The following HIPK1 variants were observed in gnomAD, a reference collection of about 807,000 sequenced individuals.
The protein encoded by HIPK1 is homeodomain interacting protein kinase 1.
In HIPK1, 28 loss-of-function variants were observed where a neutral mutation model predicts 117.1. The observed-to-expected ratio is 0.24, with a 90% CI of 0.18 to 0.33. HIPK1 has a LOEUF of 0.33. Ranked by LOEUF, HIPK1 falls within the 10% of genes least tolerant of loss-of-function variation. The pLI is 1.00. For synonymous variants in HIPK1, 605 were observed against 562.5 expected (o/e 1.08, Z -1.07); for missense variants, 1,122 against 1,475.1 (o/e 0.76, Z 3.92).
At position 113,929,451 on chromosome 1, in the gene HIPK1, C is replaced by A. The variant is rs148701256; in HGVS notation, c.-84C>A. The A allele has an allele frequency of 7.8e-7, 1 of 1,289,390 alleles. No individual in the cohort carries two copies. Among genetic ancestry groups the A allele is most frequent in the Non-Finnish European group, 1.0e-6 (1 of 988,864 alleles). The allele number at this position is 1,289,390 out of a possible 1,614,324, so 79.9% of individuals were successfully genotyped here. ...ACGCTGGCTCCCTACGGAGGCCCAC[C>A]TACTCGAGGCCCACCGACTCCTACT... is the stretch of plus-strand genomic sequence containing the variant. On this transcript the variant is annotated 5_prime_UTR_variant, in exon 1 of 16. Transcript: ENST00000426820.
intron 2 of HIPK1, among the ~76,000 whole-genome samples, chr1:113,948,134 T>A (rs1424628864): frequency 2.0e-5 from 3 of 152,220 alleles, no homozygotes; most frequent in African/African-American, 7.2e-5. Context: ...GAGATAAACC[T>A]GCTCTAGTGA....
At position 113,969,817 on chromosome 1, in the gene HIPK1, G is replaced by A. The variant is rs899657744; in HGVS notation, c.2772-139G>A. 5.8e-6 allele frequency: 5 copies of A among 856,772 alleles called. No homozygotes were observed. The Admixed American group carries it at 5.8e-5, about 10-fold the overall frequency. 53.1% of individuals were successfully genotyped at this position (856,772 alleles called of 1,614,324 possible). ...AGCTACTCGGGAGGCTAAGATGGGA[G>A]GATAGCTTGAGCCCAGGAGGTTGAG... On this transcript the variant is annotated intron_variant, in intron 13 of 15. Transcript: ENST00000426820.
intron 2 of HIPK1, among the ~76,000 whole-genome samples, chr1:113,944,874 G>A (rs1670887562): frequency 6.6e-6 from 1 of 152,014 alleles, no homozygotes. Flanking sequence ...TTGAGACAGA[G>A]TCCCACTTTG....
At position 113,940,484 on chromosome 1, in the gene HIPK1, CAGG is replaced by C; in HGVS notation, c.103_105del (p.Gly35del). 1 of 1,614,158 alleles carries C rather than the reference CAGG, an allele frequency of 6.2e-7. No homozygotes were observed. Among genetic ancestry groups the C allele is most frequent in the African/African-American group, 1.3e-5 (1 of 75,034 alleles). ...ATAGAGCCCTCTGGCTGGGATGTTT[CAGG>C]ACAGAGTAGCAACGACAAATATTAT... is the stretch of plus-strand genomic sequence containing the variant. On this transcript the variant is annotated inframe_deletion, in exon 2 of 16. Transcript: ENST00000426820.
chr1:113,966,046 T>C (rs78723219), intron 10 of HIPK1, 84 bp from the exon 11 acceptor site: 24 of 1,376,130 alleles, frequency 1.7e-5, no homozygotes, highest in South Asian at 2.7e-5. Context: ...TTTTAAGATA[T>C]GAATTTTTCT....
In HIPK1 at chr1:113,940,624, G is replaced by A. The variant is rs370658212; in HGVS notation, c.241G>A (p.Val81Met). ...DQGLLLPAPA[V>M]EHIVVTAADS... The stretch of plus-strand genomic sequence containing the variant: ...GGGCCTCCTCCTCCCAGCTCCTGCA[G>A]TGGAGCATATTGTTGTAACAGCCGC... Residue 81 changes from valine to methionine, a missense_variant, in exon 2 of 16, where the codon GTG becomes ATG. By Grantham distance (21) the Val-to-Met change is conservative. Around this residue, in one of 6 missense-constraint regions of HIPK1, gnomAD observed 192 missense variants for 234.0 expected, o/e 0.82. Coordinates refer to ENST00000426820, the MANE Select transcript of HIPK1 (RefSeq NM_198268.3). 1.8e-5 allele frequency: 29 copies of A among 1,614,214 alleles called. 1 individual carries two copies. The highest frequency in any genetic ancestry group is 2.4e-5 in the Non-Finnish European group (28 of 1,180,046).
chr1:113,961,800 C>T (rs768127814), intron 8 of HIPK1, among the ~76,000 whole-genome samples: 7 of 151,680 alleles, frequency 4.6e-5, no homozygotes, highest in Admixed American at 6.6e-5. Flanking sequence ...AAAAATTAGA[C>T]GGGCGTGGTG....
chr1:113,937,296 A>G (rs1273757129), intron 1 of HIPK1, among the ~76,000 whole-genome samples: 1 of 152,212 alleles, frequency 6.6e-6, no homozygotes, highest in Admixed American at 6.5e-5. Context: ...TTCAGGCACA[A>G]AGAAATGTAC....
At chr1:113,961,411 T>C (rs542537576) in intron 8 of HIPK1, among the ~76,000 whole-genome samples, 27 of 152,312 alleles carry the variant, frequency 1.8e-4, no homozygotes, top group Middle Eastern at 3.4e-3. Context: ...AATATTCTTA[T>C]CCTAGGCATA....
chr1:113,969,913 A>G (rs778925996), intron 13 of HIPK1, 43 bp from the exon 14 acceptor site: 3 of 1,608,266 alleles, frequency 1.9e-6, no homozygotes, highest in Non-Finnish European at 2.5e-6. Context: ...TCACACACAC[A>G]AAAAAGAACA....
At position 113,963,481 on chromosome 1, in the gene HIPK1, C is replaced by G. The variant is rs1032172398; in HGVS notation, c.2198C>G (p.Ala733Gly). The change falls in exon 10 of 16, where the codon GCC (alanine) becomes GGC (glycine). Residue 733 changes from alanine to glycine, a missense_variant. Ala to Gly is a moderately conservative substitution (Grantham distance 60). Coordinates refer to ENST00000426820, the MANE Select transcript of HIPK1 (RefSeq NM_198268.3). ...GTGCCCTTTACTCTGAGCTGCGCAG[C>G]CGGCCGGCCGGCGCTGGTTGAACAG... is the stretch of plus-strand genomic sequence containing the variant. ...YAVPFTLSCA[A>G]GRPALVEQTA... is the part of the protein sequence containing the mutation. The G allele has an allele frequency of 1.9e-6, 3 of 1,614,016 alleles. No individual in the cohort carries two copies. The highest frequency in any genetic ancestry group is 2.7e-5 in the African/African-American group (2 of 75,044).
chr1:113,960,410 A>G (rs1672020594), intron 8 of HIPK1, among the ~76,000 whole-genome samples: 1 of 152,194 alleles, frequency 6.6e-6, no homozygotes, highest in South Asian at 2.1e-4. Flanking sequence ...TTTGTAGGTC[A>G]GTACTATAAA....
At chr1:113,967,711 C>A in intron 11 of HIPK1, 55 bp from the exon 12 acceptor site, 1 of 1,307,872 alleles carries the variant, frequency 7.6e-7, no homozygotes, top group South Asian at 1.7e-5. Context: ...TCTGTTTGGT[C>A]CTGATTCTTC....
chr1:113,962,153 C>T (rs1672168114), intron 8 of HIPK1, among the ~76,000 whole-genome samples, 164 bp from the exon 9 acceptor site: 1 of 152,152 alleles, frequency 6.6e-6, no homozygotes, highest in South Asian at 2.1e-4. Context: ...TCTCCCTTTT[C>T]TTAACTTCCA....
chr1:113,943,244 T>C (rs1558130198), intron 2 of HIPK1, among the ~76,000 whole-genome samples: 1 of 152,218 alleles, frequency 6.6e-6, no homozygotes, highest in Non-Finnish European at 1.5e-5. Context: ...AATGTTTTCA[T>C]CACCCAAAAC....
chr1:113,941,503 G>A lies in HIPK1; in HGVS notation c.1076+44G>A. 6.8e-7 allele frequency: 1 copy of A among 1,474,184 alleles called. No homozygotes were observed. Among genetic ancestry groups the A allele is most frequent in the Non-Finnish European group, 9.3e-7 (1 of 1,072,394 alleles). 91.3% of individuals were successfully genotyped at this position (1,474,184 alleles called of 1,614,324 possible). A position where few individuals can be genotyped will look rare whatever the true frequency, so the allele number is the denominator to read the frequency against. On this transcript the variant is annotated intron_variant, in intron 2 of 15. Transcript: ENST00000426820. This position sits in a 1 kb window ranked among gnomAD's most constrained non-coding sequence, Gnocchi z 4.9. ...AAATCGTATCTTAGGCTAGAGTTCT[G>A]TCCTTATATTTAACATATACCCCGT...
Position 113,940,522 on chromosome 1 carries a change from A to G in HIPK1, c.139A>G (p.Lys47Glu), listed in dbSNP as rs1382930629. Residue 47 changes from lysine to glutamate, a missense_variant, in exon 2 of 16, where the codon AAA (lysine) becomes GAA (glutamate). This residue lies in a region of HIPK1 where 192 missense variants were observed against 234.0 expected (regional missense o/e 0.82). Coordinates refer to ENST00000426820, the MANE Select transcript of HIPK1 (RefSeq NM_198268.3). ...SSNDKYYTHS[K>E]TLPATQGQAN... is the part of the protein sequence containing the mutation. ...CAACGACAAATATTATACCCACAGCAAAACCCTCCCAGCCACACAAGGGCA... is the reference window on the plus strand; with the variant it reads ...CAACGACAAATATTATACCCACAGCGAAACCCTCCCAGCCACACAAGGGCA... 5 of 1,614,052 alleles carry G rather than the reference A, an allele frequency of 3.1e-6. No homozygotes were observed. The Admixed American group carries it at 8.3e-5, about 27-fold the overall frequency.
At chr1:113,931,776 A>G (rs1045369080) in intron 1 of HIPK1, among the ~76,000 whole-genome samples, 15 of 152,222 alleles carry the variant, frequency 9.9e-5, no homozygotes, top group African/African-American at 3.6e-4. Context: ...CCGGCCTTGT[A>G]AAGTTCTTAC....
intron 1 of HIPK1, among the ~76,000 whole-genome samples, chr1:113,940,082 G>A (rs1670549949): frequency 6.6e-6 from 1 of 151,818 alleles, no homozygotes; most frequent in African/African-American, 2.4e-5. Context: ...TGGAATTAAA[G>A]GCTTGAGCCA....
Sources: gnomAD v4.1 joint callset for allele counts (sites outside exome capture counted in the v4.1 genomes callset) on GRCh38, gnomAD v4.1.1 for gene constraint, gnomAD v4.1.1 regional missense constraint, Gnocchi (gnomAD v3.1) non-coding constraint, MANE v1.5 for transcripts, NCBI Gene and HGNC (gene_info 2026-07-23, HGNC 2026-07-21) for gene names.